The following RUVBL2 variants were observed in gnomAD, a reference collection of about 807,000 sequenced individuals.
RUVBL2 encodes RuvB like AAA ATPase 2.
RUVBL2 carries 9 observed loss-of-function variants against 57.9 expected under a neutral mutation model. The ratio of observed to expected loss-of-function variants is 0.16; its 90% CI spans 0.09 to 0.27. RUVBL2 has a LOEUF of 0.27. Ranked by LOEUF, RUVBL2 falls within the 10% of genes least tolerant of loss-of-function variation. The pLI, the probability that RUVBL2 is intolerant of heterozygous loss-of-function variation, is 1.00. For missense variants in RUVBL2, 456 were observed against 669.6 expected, an observed-to-expected ratio of 0.68 and a Z score of 3.52; for synonymous variants, 278 against 264.6, an observed-to-expected ratio of 1.05 and a Z score of -0.49.
In RUVBL2 at chr19:49,011,454, GT is replaced by G. The variant is rs2039427558; in HGVS notation, c.1001+145del. 234 of 656,718 alleles carry G rather than the reference GT, an allele frequency of 3.6e-4. 3 individuals are homozygous for G. The South Asian group carries it at 4.2e-3, about 12-fold the overall frequency. The allele number at this position is 656,718 out of a possible 1,614,324, so 40.7% of individuals were successfully genotyped here. ...TGCGCTCTTTGCTTACAAAAGGCGG[GT>G]GGGAGGCAGCTCTGCTTCCCGAGGA... On this transcript the variant is annotated intron_variant, in intron 11 of 14. Transcript: ENST00000595090. This position sits in a 1 kb window ranked among gnomAD's most constrained non-coding sequence, Gnocchi z 4.4.
chr19:49,015,463 C>T lies in RUVBL2; in HGVS notation c.1252-109C>T, dbSNP rs554254421. 1.7e-4 allele frequency: 156 copies of T among 929,868 alleles called. 1 individual carries two copies. Among genetic ancestry groups the T allele is most frequent in the Non-Finnish European group, 1.9e-4 (107 of 577,430 alleles). 57.6% of individuals were successfully genotyped at this position (929,868 alleles called of 1,614,324 possible). On this transcript the variant is annotated intron_variant, in intron 13 of 14. Coordinates refer to ENST00000595090, the MANE Select transcript of RUVBL2 (RefSeq NM_006666.3). ...GCAATCTGGCCCAGAATGCCCTCCCCTCACATGCCACACTCTGCTGCCTAG... is the reference window on the plus strand; with the variant it reads ...GCAATCTGGCCCAGAATGCCCTCCCTTCACATGCCACACTCTGCTGCCTAG...
chr19:49,015,517 G>T, intron 13 of RUVBL2, 55 bp from the exon 14 acceptor site: 1 of 1,329,632 alleles, frequency 7.5e-7, no homozygotes. Flanking sequence ...GCTGGGGTCT[G>T]TGCCTTGAGC....
chr19:49,014,919 C>A, intron 12 of RUVBL2, 102 bp from the exon 13 acceptor site: 1 of 1,432,874 alleles, frequency 7.0e-7, no homozygotes, highest in Non-Finnish European at 9.4e-7. Context: ...GCAGGCGCCA[C>A]ATATTCCCAG....
chr19:49,004,055 A>G (rs2039234891), intron 3 of RUVBL2, among the ~76,000 whole-genome samples: 1 of 146,786 alleles, frequency 6.8e-6, no homozygotes, highest in African/African-American at 2.5e-5. Flanking sequence ...GGTCAAGGCT[A>G]CAGTGAGCCA....
At chr19:49,010,755 T>C (rs572151783) in intron 9 of RUVBL2, 144 bp downstream of exon 9, 10 of 1,217,580 alleles carry the variant, frequency 8.2e-6, no homozygotes, top group South Asian at 7.2e-5. Context: ...GCCTCTGTTC[T>C]CCACCTGCAA....
chr19:49,004,137 A>G (rs1282597560), intron 3 of RUVBL2, 140 bp from the exon 4 acceptor site: 2 of 1,042,040 alleles, frequency 1.9e-6, no homozygotes, highest in African/African-American at 1.7e-5. Flanking sequence ...AAAAAAAAAA[A>G]AAAGCAGGGA....
chr19:49,006,176 G>T (rs1175256227), intron 4 of RUVBL2, among the ~76,000 whole-genome samples: 1 of 152,246 alleles, frequency 6.6e-6, no homozygotes, highest in Non-Finnish European at 1.5e-5. Context: ...CTGTGATGAG[G>T]GCCATTGTGT....
Position 49,014,735 on chromosome 19 carries a change from C to T in RUVBL2, c.1121+132C>T, listed in dbSNP as rs1173703691. ...CAGGAGAGAGGGCTGAGCGGGCACC[C>T]AGACGGTGGCCTCCGATCCGGGAGC... is the stretch of plus-strand genomic sequence containing the variant. On this transcript the variant is annotated intron_variant, in intron 12 of 14. Transcript: ENST00000595090. 1.0e-5 allele frequency: 13 copies of T among 1,278,972 alleles called. No homozygotes were observed. In the African/African-American group the frequency reaches 1.9e-4, roughly 19 times the overall value. 79.2% of individuals were successfully genotyped at this position (1,278,972 alleles called of 1,614,324 possible).
At chr19:49,008,920 A>G (rs554568460) in intron 6 of RUVBL2, among the ~76,000 whole-genome samples, 2 of 151,858 alleles carry the variant, frequency 1.3e-5, no homozygotes, top group Non-Finnish European at 2.9e-5. Context: ...CAGAAGTTGC[A>G]GTAAGCCGAG....
chr19:49,015,509 T>C, intron 13 of RUVBL2, 63 bp from the exon 14 acceptor site: 2 of 1,237,608 alleles, frequency 1.6e-6, no homozygotes, highest in East Asian at 2.3e-5. Flanking sequence ...TGGCATACGC[T>C]GGGGTCTGTG....
In RUVBL2 at chr19:49,014,621, C is replaced by T. The variant is rs1234789616; in HGVS notation, c.1121+18C>T. On this transcript the variant is annotated intron_variant, in intron 12 of 14. Transcript: ENST00000595090. ...CGCATCCGGTGCGGGCAGGACCAGGCCGTGCGCCTGAGACGCAGGGCTGGG... is the reference window on the plus strand; with the variant it reads ...CGCATCCGGTGCGGGCAGGACCAGGTCGTGCGCCTGAGACGCAGGGCTGGG... 1 of 1,613,510 alleles carries T rather than the reference C, an allele frequency of 6.2e-7. No homozygotes were observed. The highest frequency in any genetic ancestry group is 8.5e-7 in the Non-Finnish European group (1 of 1,179,730).
chr19:48,993,665 T>C, upstream of RUVBL2: 1 of 597,112 alleles, frequency 1.7e-6, no homozygotes, highest in Middle Eastern at 4.5e-4. Context: ...GGGGCGGTGG[T>C]GGGGCTGAGC....
chr19:48,994,719 C>G (rs1453023608), intron 1 of RUVBL2: 1 of 152,078 alleles, frequency 6.6e-6, no homozygotes, highest in Admixed American at 6.6e-5. Flanking sequence ...CACTTCAGGT[C>G]AGGAGTTCGT....
rs768466288 is a variant in RUVBL2, at chr19:49,007,100, C to T, written c.348C>T (p.Thr116=). The change falls in exon 5 of 15, where the codon ACC becomes ACT. Residue 116 remains threonine, a synonymous_variant. Transcript: ENST00000595090. ...TCTTCTCCCTGGAGATGAGCAAGAC[C>T]GAGGCGCTGACGCAGGCCTTCCGGC... The part of the protein sequence containing the change: ...SEIFSLEMSK[T]EALTQAFRRS... 7 of 1,613,172 alleles carry T rather than the reference C, an allele frequency of 4.3e-6. No individual in the cohort carries two copies. In the East Asian group the frequency reaches 6.7e-5, roughly 15 times the overall value.
chr19:49,000,806 C>T (rs1028522491), intron 2 of RUVBL2, among the ~76,000 whole-genome samples: 1 of 151,902 alleles, frequency 6.6e-6, no homozygotes, highest in Non-Finnish European at 1.5e-5. Flanking sequence ...GAGCCAATAT[C>T]GTGCCACTGC....
At chr19:49,009,707 A>G in intron 6 of RUVBL2, 69 bp from the exon 7 acceptor site, 1 of 1,355,452 alleles carries the variant, frequency 7.4e-7, no homozygotes, top group Non-Finnish European at 1.1e-6. Context: ...AAGCTTATCA[A>G]CACTGGGGGC....
intron 4 of RUVBL2, among the ~76,000 whole-genome samples, chr19:49,005,504 C>G (rs184088839): frequency 1.2e-4 from 18 of 152,260 alleles, no homozygotes; most frequent in Non-Finnish European, 2.6e-4. Flanking sequence ...TCCAGAGAAG[C>G]GGATACCTGA....
In RUVBL2 at chr19:49,009,465, C is replaced by T. The variant is rs542413754; in HGVS notation, c.463-311C>T. Reference sequence around the variant, plus strand: ...TCATGCTACTACACTCCAGCGTGGGCGACAGAGCAAGACTCCGTCTCAAAA... The same window carrying T: ...TCATGCTACTACACTCCAGCGTGGGTGACAGAGCAAGACTCCGTCTCAAAA... On this transcript the variant is annotated intron_variant, in intron 6 of 14. Coordinates refer to ENST00000595090, the MANE Select transcript of RUVBL2 (RefSeq NM_006666.3). Among the ~76,000 whole-genome samples the T allele has an allele frequency of 5.3e-5, 8 of 151,840 alleles. No homozygotes were observed. In the South Asian group the frequency reaches 8.3e-4, roughly 16 times the overall value.
intron 2 of RUVBL2, among the ~76,000 whole-genome samples, chr19:49,002,188 A>G (rs1179727673): frequency 6.6e-6 from 1 of 151,978 alleles, no homozygotes; most frequent in Non-Finnish European, 1.5e-5. Context: ...ATCTGAGACT[A>G]CAGGTGCATG....
Sources: allele counts gnomAD v4.1 joint callset (sites outside exome capture counted in the v4.1 genomes callset), GRCh38; gene constraint gnomAD v4.1.1; non-coding constraint Gnocchi (gnomAD v3.1); transcripts MANE v1.5; gene names NCBI Gene and HGNC (gene_info 2026-07-23, HGNC 2026-07-21).